DNAH11: variants seen among roughly 807,000 people sequenced by gnomAD.
DNAH11 encodes dynein axonemal heavy chain 11, also known as axonemal beta dynein heavy chain 11.
In DNAH11, 442 loss-of-function variants were observed where a neutral mutation model predicts 526.0. The observed-to-expected ratio is 0.84, with a 90% CI of 0.78 to 0.91. The LOEUF (loss-of-function observed/expected upper bound fraction) is 0.91. Ranked by LOEUF, DNAH11 falls within the 40% of genes least tolerant of loss-of-function variation. DNAH11 has a pLI of 0.00. For missense variants in DNAH11, 6,989 were observed against 5,448.7 expected, an observed-to-expected ratio of 1.28 and a Z score of -8.90; for synonymous variants, 2,461 against 1,935.9, an observed-to-expected ratio of 1.27 and a Z score of -7.12.
At chr7:21,739,696 C>G in intron 48 of DNAH11, 23 bp downstream of exon 48, 1 of 1,566,242 alleles carries the variant, frequency 6.4e-7, no homozygotes, top group South Asian at 1.1e-5. Context: ...ATACTGCTCT[C>G]AAAAACTGTA....
intron 27 of DNAH11, 88 bp from the exon 28 acceptor site, chr7:21,638,851 T>C: frequency 6.9e-7 from 1 of 1,449,896 alleles, no homozygotes; most frequent in Non-Finnish European, 9.3e-7. Flanking sequence ...CTATAATGAA[T>C]GGACATAGAG....
At chr7:21,711,654 T>C in intron 41 of DNAH11, 58 bp from the exon 42 acceptor site, 1 of 1,579,602 alleles carries the variant, frequency 6.3e-7, no homozygotes, top group Admixed American at 1.8e-5. Context: ...TACTTGTTGC[T>C]TCTGGATGTT....
chr7:21,566,624 A>G lies in DNAH11; in HGVS notation c.1194+2227A>G, dbSNP rs1474575378. Among the ~76,000 whole-genome samples, 5 of 151,142 alleles carry G rather than the reference A, an allele frequency of 3.3e-5. No homozygotes were observed. In the South Asian group the frequency reaches 1.0e-3, roughly 31 times the overall value. ...ATAATGAAAAAAAAAAAAACACTGAAGCCTAAGAAGATAAGTAACTCTCCA... is the reference window on the plus strand; with the variant it reads ...ATAATGAAAAAAAAAAAAACACTGAGGCCTAAGAAGATAAGTAACTCTCCA... On this transcript the variant is annotated intron_variant, in intron 6 of 81. Coordinates refer to ENST00000409508, the MANE Select transcript of DNAH11 (RefSeq NM_001277115.2).
intron 8 of DNAH11, among the ~76,000 whole-genome samples, chr7:21,576,962 CACTG>C (rs1784121109): frequency 6.6e-6 from 1 of 152,012 alleles, no homozygotes; most frequent in Admixed American, 6.6e-5. Flanking sequence ...ACAAAAAAAA[CACTG>C]GCCATTATAT....
intron 49 of DNAH11, 50 bp from the exon 50 acceptor site, chr7:21,744,388 A>T: frequency 6.3e-7 from 1 of 1,580,202 alleles, no homozygotes; most frequent in Non-Finnish European, 8.6e-7. Flanking sequence ...CTCATTTGAC[A>T]TGTCATCAGC....
intron 22 of DNAH11, 101 bp downstream of exon 22, chr7:21,616,393 T>A: frequency 1.2e-6 from 1 of 861,874 alleles, no homozygotes; most frequent in African/African-American, 1.7e-5. Context: ...TGCATGTACT[T>A]ATTTACTTCT....
intron 56 of DNAH11, among the ~76,000 whole-genome samples, chr7:21,777,936 G>C (rs748703790): frequency 3.9e-5 from 6 of 152,184 alleles, no homozygotes; most frequent in Non-Finnish European, 5.9e-5. Context: ...TTTAGCATTT[G>C]AGTTAAAATA....
At chr7:21,681,234 C>A (rs1783122037) in intron 30 of DNAH11, among the ~76,000 whole-genome samples, 1 of 152,034 alleles carries the variant, frequency 6.6e-6, no homozygotes, top group Admixed American at 6.6e-5. Flanking sequence ...TGAGACCAGC[C>A]TGACCAAAAT....
chr7:21,716,783 C>G (rs952776439), intron 42 of DNAH11, among the ~76,000 whole-genome samples: 1 of 152,206 alleles, frequency 6.6e-6, no homozygotes, highest in Non-Finnish European at 1.5e-5. Flanking sequence ...CTGCTGAAAA[C>G]CATTTCTCTT....
intron 53 of DNAH11, among the ~76,000 whole-genome samples, chr7:21,750,015 G>T (rs1005954421): frequency 6.6e-6 from 1 of 152,158 alleles, no homozygotes; most frequent in Non-Finnish European, 1.5e-5. Context: ...ATTCTTACAC[G>T]TACGGGTGTA....
rs766857244 is a variant in DNAH11, at chr7:21,750,302, A to G, written c.8878A>G (p.Met2960Val). Residue 2960 changes from methionine to valine, a missense_variant, in exon 54 of 82, where the codon ATG becomes GTG. By Grantham distance (21) the Met-to-Val change is conservative. Transcript: ENST00000409508. ...GIHNEVHALG[M>V]VDSRENCWKF... ...TCATAATGAAGTTCATGCTCTGGGC[A>G]TGGTAGACTCCAGGGAAAACTGTTG... 158 of 1,605,902 alleles carry G rather than the reference A, an allele frequency of 9.8e-5. No individual in the cohort carries two copies. Among genetic ancestry groups the G allele is most frequent in the Non-Finnish European group, 1.2e-4 (142 of 1,176,030 alleles).
At chr7:21,704,278 A>G (rs952144676) in intron 37 of DNAH11, among the ~76,000 whole-genome samples, 156 bp from the exon 38 acceptor site, 3 of 152,244 alleles carry the variant, frequency 2.0e-5, no homozygotes, top group Non-Finnish European at 4.4e-5. Context: ...AATTTTAAAC[A>G]TTTAACCTCC....
At chr7:21,543,744 A>C (rs760054883) in intron 1 of DNAH11, 148 bp downstream of exon 1, 1 of 765,620 alleles carries the variant, frequency 1.3e-6, no homozygotes, top group Non-Finnish European at 2.0e-6. Context: ...GGCCCGCAGG[A>C]CTCCTCCCCA....
Position 21,545,912 on chromosome 7 carries a change from G to T in DNAH11, c.495+763G>T, listed in dbSNP as rs114375772. ...CTTCGCTGAACATTAGGATCACCTG[G>T]GGGAACTTGTAACACAATGCCCCAG... On this transcript the variant is annotated intron_variant, in intron 2 of 81. Transcript: ENST00000409508. Among the ~76,000 whole-genome samples, 686 of 152,222 alleles carry T rather than the reference G, an allele frequency of 4.5e-3. 4 individuals are homozygous for T. Among genetic ancestry groups the T allele is most frequent in the African/African-American group, 0.016 (652 of 41,526 alleles).
In DNAH11 at chr7:21,591,264, T is replaced by C. The variant is rs749673513; in HGVS notation, c.2354T>C (p.Ile785Thr). ...CTCCTGGAAGTTGAATACCCTCTGA[T>C]TGAAGATGAGCTGAGGGCTATTGAC... ...QTLLEVEYPL[I>T]EDELRAIDEQ... The change falls in exon 14 of 82, where the codon ATT (isoleucine) becomes ACT (threonine). Residue 785 changes from isoleucine (I) to threonine (T), a missense_variant. Physicochemically the swap from Ile to Thr is moderately conservative, Grantham distance 89. Coordinates refer to ENST00000409508, the MANE Select transcript of DNAH11 (RefSeq NM_001277115.2). 35 of 1,607,464 alleles carry C rather than the reference T, an allele frequency of 2.2e-5. No homozygotes were observed. The highest frequency in any genetic ancestry group is 3.3e-5 in the South Asian group (3 of 90,584).
chr7:21,828,220 A>T (rs1013857445), intron 65 of DNAH11, among the ~76,000 whole-genome samples: 3 of 152,130 alleles, frequency 2.0e-5, no homozygotes, highest in African/African-American at 7.2e-5. Context: ...AAGTGCTGGG[A>T]TTGCAGGCAT....
At chr7:21,621,102 A>G (rs2128454620) in intron 25 of DNAH11, among the ~76,000 whole-genome samples, 1 of 152,284 alleles carries the variant, frequency 6.6e-6, no homozygotes, top group East Asian at 1.9e-4. Flanking sequence ...GCTGGGTCAA[A>G]TGGTATTTCT....
chr7:21,816,744 G>T, intron 64 of DNAH11, 42 bp downstream of exon 64: 3 of 1,538,894 alleles, frequency 1.9e-6, no homozygotes, highest in Non-Finnish European at 2.7e-6. Context: ...TTTACCTGCT[G>T]TGAAGTGGGT....
At chr7:21,662,543 C>T (rs1029858331) in intron 30 of DNAH11, among the ~76,000 whole-genome samples, 1 of 151,976 alleles carries the variant, frequency 6.6e-6, no homozygotes, top group African/African-American at 2.4e-5. Context: ...GTTTTGATAT[C>T]TGTATGTATG....
Sources: allele counts gnomAD v4.1 joint callset (sites outside exome capture counted in the v4.1 genomes callset), GRCh38; gene constraint gnomAD v4.1.1; transcripts MANE v1.5; gene names NCBI Gene and HGNC (gene_info 2026-07-23, HGNC 2026-07-21).